TF: variants seen among roughly 807,000 people sequenced by gnomAD.
The protein encoded by TF is serotransferrin.
Under a neutral mutation model 82.4 loss-of-function variants are expected in TF, and 55 were observed. The observed-to-expected ratio is 0.67, with a 90% CI of 0.54 to 0.84. The LOEUF is 0.84. TF is among the 40% of genes least tolerant of loss of function. TF has a pLI of 0.00. For synonymous variants in TF, 332 were observed against 332.6 expected, an observed-to-expected ratio of 1.00 and a Z score of 0.02; for missense variants, 737 against 868.4, an observed-to-expected ratio of 0.85 and a Z score of 1.90.
At chr3:133,666,626 G>T in the TF span, among the ~76,000 whole-genome samples, 1 of 152,164 alleles carries the variant, frequency 6.6e-6, no homozygotes, top group Non-Finnish European at 1.5e-5. Flanking sequence ...AGGTAAAATA[G>T]AATGTCATTA....
rs561678680 is a variant in TF, at chr3:133,777,163, A to G, written c.1987A>G (p.Arg663Gly). The change falls in exon 16 of 17, where the codon AGA (arginine) becomes GGA (glycine). Residue 663 changes from arginine to glycine, a missense_variant. Arg to Gly is a moderately radical substitution (Grantham distance 125). Transcript: ENST00000402696. The stretch of plus-strand genomic sequence containing the variant: ...AGTATGTTTGGCCAAACTTCATGAC[A>G]GAAACACATATGAAAAATACTTAGG... ...DTVCLAKLHD[R>G]NTYEKYLGEE... is the part of the protein sequence containing the mutation. 1.9e-6 allele frequency: 3 copies of G among 1,614,174 alleles called. No homozygotes were observed. In the African/African-American group the frequency reaches 4.0e-5, roughly 22 times the overall value.
chr3:133,733,923 A>G, the TF span, among the ~76,000 whole-genome samples: 1 of 152,050 alleles, frequency 6.6e-6, no homozygotes, highest in Non-Finnish European at 1.5e-5. Context: ...TGAGGTGGCT[A>G]TGGGCAGTGG....
At chr3:133,674,975 G>A in the TF span, among the ~76,000 whole-genome samples, 1 of 152,088 alleles carries the variant, frequency 6.6e-6, no homozygotes. Context: ...GCCAGACGCG[G>A]TGGCTCAGGT....
At chr3:133,706,434 C>T in the TF span, among the ~76,000 whole-genome samples, 35 of 152,134 alleles carry the variant, frequency 2.3e-4, no homozygotes, top group African/African-American at 8.0e-4. Flanking sequence ...TCTCTAGTAC[C>T]TACTCCTGGA....
At chr3:133,664,358 G>C in the TF span, among the ~76,000 whole-genome samples, 5 of 151,836 alleles carry the variant, frequency 3.3e-5, no homozygotes, top group Admixed American at 1.3e-4. Context: ...GAGTCTCACT[G>C]TTGTCCAGGT....
the TF span, among the ~76,000 whole-genome samples, chr3:133,675,756 T>C: frequency 6.6e-6 from 1 of 152,230 alleles, no homozygotes; most frequent in Non-Finnish European, 1.5e-5. Flanking sequence ...CTATGTGCCC[T>C]GAGTGCTTTT....
chr3:133,716,723 C>A, the TF span, among the ~76,000 whole-genome samples: 518 of 152,326 alleles, frequency 3.4e-3, 1 homozygote, highest in African/African-American at 0.012. Context: ...TGCTCAAAGC[C>A]CACCAGTGAT....
At chr3:133,677,552 G>A in the TF span, among the ~76,000 whole-genome samples, 743 of 152,232 alleles carry the variant, frequency 4.9e-3, 6 homozygotes, top group African/African-American at 0.016. Flanking sequence ...CAGGAGAATC[G>A]CTTGAACCCG....
At chr3:133,688,434 T>A in the TF span, 1 of 152,280 alleles carries the variant, frequency 6.6e-6, no homozygotes, top group African/African-American at 2.4e-5. Flanking sequence ...CTGCACTTGC[T>A]GTTGTTTATT....
the TF span, among the ~76,000 whole-genome samples, chr3:133,733,164 A>C: frequency 2.6e-5 from 4 of 152,178 alleles, no homozygotes; most frequent in Non-Finnish European, 5.9e-5. Flanking sequence ...TTTAAAATCC[A>C]AATTATTTGA....
At chr3:133,737,437 C>G in the TF span, among the ~76,000 whole-genome samples, 1 of 151,836 alleles carries the variant, frequency 6.6e-6, no homozygotes, top group African/African-American at 2.4e-5. Flanking sequence ...CATTCAAAAG[C>G]TAGAAGAAGA....
At chr3:133,698,016 A>G in the TF span, among the ~76,000 whole-genome samples, 53 of 152,342 alleles carry the variant, frequency 3.5e-4, no homozygotes, top group African/African-American at 1.3e-3. Flanking sequence ...TGATAACAAG[A>G]CTGTCTCCAC....
intron 2 of TF, 87 bp from the exon 3 acceptor site, chr3:133,753,508 C>A: frequency 8.3e-7 from 1 of 1,202,904 alleles, no homozygotes; most frequent in Non-Finnish European, 1.2e-6. Flanking sequence ...CCGTGGAGTC[C>A]TGGTAGCCAC....
At chr3:133,758,005 G>T in intron 8 of TF, 59 bp downstream of exon 8, 1 of 1,573,608 alleles carries the variant, frequency 6.4e-7, no homozygotes, top group East Asian at 2.2e-5. Flanking sequence ...GTGAGCACAG[G>T]GGCCAGAGAT....
rs1005794942 is a variant in TF at position 133,787,961 on chromosome 3, C to T, written c.*9341C>T. ...AAATGATAACATCAACCCTAAGTGA[C>T]ACATGGGCCCATATCCACCAGGTTG... is the stretch of plus-strand genomic sequence containing the variant. On this transcript the variant is annotated 3_prime_UTR_variant, in exon 17 of 17. Coordinates refer to ENST00000402696, the MANE Select transcript of TF (RefSeq NM_001063.4). 6.6e-6 allele frequency: 1 copy of T among 152,184 alleles called. No individual in the cohort carries two copies. The highest frequency in any genetic ancestry group is 2.4e-5 in the African/African-American group (1 of 41,440). The allele number at this position is 152,184 out of a possible 1,614,324, so 9.4% of individuals were successfully genotyped here. A position where few individuals can be genotyped will look rare whatever the true frequency, so the allele number is the denominator to read the frequency against.
chr3:133,757,128 T>A (rs1933860074), intron 7 of TF, 119 bp downstream of exon 7: 1 of 1,338,858 alleles, frequency 7.5e-7, no homozygotes, highest in Non-Finnish European at 1.1e-6. Context: ...GTGGGAGCCA[T>A]GCCACATGTC....
intron 11 of TF, among the ~76,000 whole-genome samples, chr3:133,765,955 A>T (rs1934116295): frequency 6.6e-6 from 1 of 152,250 alleles, no homozygotes; most frequent in African/African-American, 2.4e-5. Context: ...TAGCTGTTTC[A>T]GTATCCATTC....
chr3:133,687,261 G>T, the TF span, among the ~76,000 whole-genome samples: 4 of 152,092 alleles, frequency 2.6e-5, no homozygotes, highest in Admixed American at 2.6e-4. Flanking sequence ...GAGTTAGTTG[G>T]TGCAGCACAC....
Position 133,788,409 on chromosome 3 carries a change from C to G in TF, c.*9789C>G, listed in dbSNP as rs1039566436. The G allele has an allele frequency of 1.3e-5, 2 of 152,240 alleles. No homozygotes were observed. The allele number at this position is 152,240 out of a possible 1,614,324, so 9.4% of individuals were successfully genotyped here. A position where few individuals can be genotyped will look rare whatever the true frequency, so the allele number is the denominator to read the frequency against. ...ATTCTGTAACTGGGCTCTTGAGCCCCTAAGCACAGGCCTTCTCCCACCCTG... is the reference window on the plus strand; with the variant it reads ...ATTCTGTAACTGGGCTCTTGAGCCCGTAAGCACAGGCCTTCTCCCACCCTG... On this transcript the variant is annotated 3_prime_UTR_variant, in exon 17 of 17. Coordinates refer to ENST00000402696, the MANE Select transcript of TF (RefSeq NM_001063.4).
Sources: gnomAD v4.1 joint callset for allele counts (sites outside exome capture counted in the v4.1 genomes callset) on GRCh38, gnomAD v4.1.1 for gene constraint, MANE v1.5 for transcripts, NCBI Gene and HGNC (gene_info 2026-07-23, HGNC 2026-07-21) for gene names.